Variants in TBC1D4 observed in about 807,000 individuals in gnomAD.
TBC1D4 encodes TBC1 domain family member 4.
TBC1D4 carries 121 observed loss-of-function variants against 142.5 expected under a neutral mutation model. That is an observed-to-expected ratio of 0.85 (90% CI 0.73 to 0.99). The LOEUF is 0.99. Among genes scored for constraint, TBC1D4 ranks in the 50% least tolerant of loss-of-function variants. TBC1D4 has a pLI of 0.00. For missense variants in TBC1D4, 1,475 were observed against 1,606.6 expected (o/e 0.92, Z 1.40); for synonymous variants, 630 against 628.2 (o/e 1.00, Z -0.04).
intron 1 of TBC1D4, among the ~76,000 whole-genome samples, chr13:75,387,570 A>G (rs967653809): frequency 2.6e-5 from 4 of 152,254 alleles, no homozygotes; most frequent in Non-Finnish European, 5.9e-5. Context: ...GGTATTATCA[A>G]GACATCACAT....
At chr13:75,336,705 C>A (rs1215952907) in intron 8 of TBC1D4, among the ~76,000 whole-genome samples, 1 of 152,048 alleles carries the variant, frequency 6.6e-6, no homozygotes, top group East Asian at 1.9e-4. Flanking sequence ...CTCACCACTG[C>A]ACTCCAATCT....
chr13:75,296,414 T>C (rs1875933659), intron 17 of TBC1D4, among the ~76,000 whole-genome samples: 1 of 152,094 alleles, frequency 6.6e-6, no homozygotes, highest in Non-Finnish European at 1.5e-5. Context: ...TGTTCACTTG[T>C]GATTATAAAA....
intron 1 of TBC1D4, among the ~76,000 whole-genome samples, chr13:75,391,719 T>A (rs1011682449): frequency 2.0e-5 from 3 of 152,190 alleles, no homozygotes; most frequent in African/African-American, 7.2e-5. Flanking sequence ...TTTCATGCAG[T>A]CTTCTGGTTT....
intron 1 of TBC1D4, among the ~76,000 whole-genome samples, chr13:75,398,945 T>C (rs754932860): frequency 4.3e-4 from 65 of 152,338 alleles, no homozygotes; most frequent in East Asian, 1.2e-3. Flanking sequence ...AGAACCAATC[T>C]TATCTTCAAA....
intron 8 of TBC1D4, among the ~76,000 whole-genome samples, chr13:75,331,557 A>G (rs1188615761): frequency 2.0e-5 from 3 of 152,156 alleles, no homozygotes; most frequent in African/African-American, 7.2e-5. Context: ...AACAACTGAA[A>G]AAATAAAAGC....
intron 1 of TBC1D4, among the ~76,000 whole-genome samples, chr13:75,411,462 A>C (rs970491159): frequency 5.3e-5 from 8 of 152,186 alleles, no homozygotes; most frequent in African/African-American, 1.7e-4. Flanking sequence ...AATAATACTG[A>C]AATGGTTCTA....
Position 75,348,954 on chromosome 13 carries a change from AGTGTGTGT to A in TBC1D4, c.1408+208_1408+215del, listed in dbSNP as rs55954112. On this transcript the variant is annotated intron_variant, in intron 5 of 20. Coordinates refer to ENST00000377636, the MANE Select transcript of TBC1D4 (RefSeq NM_014832.5). Reference sequence around the variant, plus strand: ...GGAGAGAGAGTAGAGAGAGAGAGAGAGTGTGTGTGTGTGTGTGTGTGTGTGTGTGTGTG... The same window carrying A: ...GGAGAGAGAGTAGAGAGAGAGAGAGAGTGTGTGTGTGTGTGTGTGTGTGTG... Among the ~76,000 whole-genome samples the A allele has an allele frequency of 5.2e-3, 727 of 139,158 alleles. 22 individuals carry two copies. The East Asian group carries it at 0.068, about 13-fold the overall frequency. 91.3% of individuals were successfully genotyped at this position (139,158 alleles called of 152,430 possible). A position where few individuals can be genotyped will look rare whatever the true frequency, so the allele number is the denominator to read the frequency against.
chr13:75,460,804 T>C (rs910963635), intron 1 of TBC1D4, among the ~76,000 whole-genome samples: 6 of 151,950 alleles, frequency 3.9e-5, no homozygotes, highest in African/African-American at 1.2e-4. Flanking sequence ...ATGTCCATAG[T>C]CCCAGCTACT....
intron 1 of TBC1D4, among the ~76,000 whole-genome samples, chr13:75,368,676 G>T (rs1293601432): frequency 6.6e-6 from 1 of 152,170 alleles, no homozygotes; most frequent in African/African-American, 2.4e-5. Context: ...TTACAAATGT[G>T]TAAAAGTGAT....
At chr13:75,378,268 G>A (rs1024341811) in intron 1 of TBC1D4, among the ~76,000 whole-genome samples, 36 of 152,008 alleles carry the variant, frequency 2.4e-4, no homozygotes, top group African/African-American at 8.5e-4. Context: ...TTAATAGCTA[G>A]AAACTTTTGG....
chr13:75,303,138 T>G (rs1245310675), intron 15 of TBC1D4, among the ~76,000 whole-genome samples: 1 of 152,010 alleles, frequency 6.6e-6, no homozygotes, highest in East Asian at 1.9e-4. Flanking sequence ...GCCAACATGG[T>G]GAAACCCTGC....
rs1156847859 is a variant in TBC1D4 at position 75,288,989 on chromosome 13, T to C, written c.3608A>G (p.Glu1203Gly). Residue 1203 changes from glutamate to glycine, a missense_variant, in exon 20 of 21, where the codon GAG becomes GGG. This residue lies in a region of TBC1D4 where 248 missense variants were observed against 338.9 expected (regional missense o/e 0.73). Transcript: ENST00000377636. ...TCTTTTCAGTTGGCTATTGGCCCTCTCCAGCTTCTCCAAAGTTTCACTATC... is the reference window on the plus strand; with the variant it reads ...TCTTTTCAGTTGGCTATTGGCCCTCCCCAGCTTCTCCAAAGTTTCACTATC... The part of the protein sequence containing the change: ...CEDSETLEKL[E>G]RANSQLKRQN... The C allele has an allele frequency of 6.2e-7, 1 of 1,613,936 alleles. No homozygotes were observed.
chr13:75,388,832 A>G (rs937217816), intron 1 of TBC1D4, among the ~76,000 whole-genome samples: 1 of 152,230 alleles, frequency 6.6e-6, no homozygotes, highest in Non-Finnish European at 1.5e-5. Context: ...GACCCAATTC[A>G]ATGATCTGCT....
intron 1 of TBC1D4, among the ~76,000 whole-genome samples, chr13:75,434,724 C>G (rs995006132): frequency 1.3e-5 from 2 of 151,826 alleles, no homozygotes; most frequent in Non-Finnish European, 2.9e-5. Flanking sequence ...AACACAGACT[C>G]AACCTATAAA....
At chr13:75,298,746 C>T (rs1353089553) in intron 17 of TBC1D4, among the ~76,000 whole-genome samples, 2 of 151,548 alleles carry the variant, frequency 1.3e-5, no homozygotes, top group Non-Finnish European at 2.9e-5. Flanking sequence ...AAGCAAGATT[C>T]CATCACACAC....
At chr13:75,397,094 G>A (rs964128627) in intron 1 of TBC1D4, among the ~76,000 whole-genome samples, 1 of 151,990 alleles carries the variant, frequency 6.6e-6, no homozygotes, top group Admixed American at 6.6e-5. Context: ...AGGTTAATTA[G>A]TATGCTTGAG....
At chr13:75,337,551 G>A (rs932338146) in intron 7 of TBC1D4, among the ~76,000 whole-genome samples, 1 of 152,198 alleles carries the variant, frequency 6.6e-6, no homozygotes, top group Non-Finnish European at 1.5e-5. Context: ...AACTGGGTGA[G>A]AATCTATGAT....
At chr13:75,352,780 T>C (rs472332) in intron 4 of TBC1D4, among the ~76,000 whole-genome samples, 74,359 of 152,012 alleles carry the variant, frequency 0.49, 18,562 homozygotes, top group East Asian at 0.69. Flanking sequence ...AAAGAAAATG[T>C]TAATTGTGTA....
intron 15 of TBC1D4, among the ~76,000 whole-genome samples, chr13:75,306,061 TCA>T (rs774357155): frequency 6.6e-6 from 1 of 152,186 alleles, no homozygotes; most frequent in Non-Finnish European, 1.5e-5. Context: ...ATGGCAGTGA[TCA>T]AAGATTTGTA....
Sources: gnomAD v4.1 joint callset for allele counts (sites outside exome capture counted in the v4.1 genomes callset) on GRCh38, gnomAD v4.1.1 for gene constraint, gnomAD v4.1.1 regional missense constraint, MANE v1.5 for transcripts, NCBI Gene and HGNC (gene_info 2026-07-23, HGNC 2026-07-21) for gene names.